Variants in SBF2 observed in about 807,000 individuals in gnomAD.
The protein encoded by SBF2 is myotubularin-related protein 13.
In SBF2, 112 loss-of-function variants were observed where a neutral mutation model predicts 225.2. That is an observed-to-expected ratio of 0.50 (90% confidence interval 0.43 to 0.58). The LOEUF is 0.58. SBF2 is among the 20% of genes least tolerant of loss of function. SBF2 has a pLI of 0.00. For synonymous variants in SBF2, 763 were observed against 773.3 expected, an observed-to-expected ratio of 0.99 and a Z score of 0.22; for missense variants, 1,996 against 2,206.2, an observed-to-expected ratio of 0.90 and a Z score of 1.91.
intron 14 of SBF2, among the ~76,000 whole-genome samples, chr11:9,965,802 G>C (rs945816866): frequency 1.6e-4 from 24 of 152,208 alleles, no homozygotes; most frequent in African/African-American, 5.5e-4. Context: ...TTTTAATCAT[G>C]TAACATTAAT....
intron 13 of SBF2, among the ~76,000 whole-genome samples, chr11:9,969,924 A>T (rs1867215831): frequency 6.6e-6 from 1 of 152,198 alleles, no homozygotes; most frequent in Non-Finnish European, 1.5e-5. Flanking sequence ...ACAATGCTGA[A>T]CACACATAAG....
chr11:9,896,605 A>T (rs1025080744), intron 16 of SBF2, among the ~76,000 whole-genome samples: 1 of 152,130 alleles, frequency 6.6e-6, no homozygotes, highest in African/African-American at 2.4e-5. Context: ...CAGCCTGGCC[A>T]ACATGGTGAA....
chr11:9,925,964 A>AAC (rs1864006721), intron 16 of SBF2, among the ~76,000 whole-genome samples: 2 of 108,200 alleles, frequency 1.8e-5, no homozygotes, highest in South Asian at 5.6e-4. Context: ...CCAACGTGAT[A>AAC]ACGTTTTCCA....
chr11:10,218,720 C>T (rs1182846296), intron 1 of SBF2, among the ~76,000 whole-genome samples: 1 of 152,180 alleles, frequency 6.6e-6, no homozygotes, highest in Non-Finnish European at 1.5e-5. Flanking sequence ...GGTTAATACA[C>T]CATTCTAAAT....
chr11:9,937,096 G>A (rs1420610264), intron 16 of SBF2, among the ~76,000 whole-genome samples: 1 of 152,042 alleles, frequency 6.6e-6, no homozygotes, highest in Non-Finnish European at 1.5e-5. Context: ...TCCCAGAAGA[G>A]CAAAATGAGA....
At chr11:10,292,434 C>T (rs1229101860) in intron 1 of SBF2, among the ~76,000 whole-genome samples, 2 of 152,046 alleles carry the variant, frequency 1.3e-5, no homozygotes, top group African/African-American at 2.4e-5. Flanking sequence ...GTAATCCCAG[C>T]ACTTTGGGAG....
intron 16 of SBF2, chr11:9,959,002 A>T: frequency 1.0e-6 from 1 of 961,620 alleles, no homozygotes; most frequent in Non-Finnish European, 1.6e-6. Flanking sequence ...GGCCTCCTCA[A>T]TGTATTTCAG....
Position 10,122,661 on chromosome 11 carries a change from T to G in SBF2, c.141+71241A>C, listed in dbSNP as rs115787239. On this transcript the variant is annotated intron_variant, in intron 2 of 39. Transcript: ENST00000256190. ...GAATCATTTGACACTCACTCAGTTA[T>G]TAGATACTATTAGTTTACACATAAT... 1.1e-3 allele frequency among the ~76,000 whole-genome samples: 165 copies of G among 152,338 alleles called. 1 individual carries two copies. Among genetic ancestry groups the G allele is most frequent in the Middle Eastern group, 3.4e-3 (1 of 294 alleles).
chr11:10,269,470 C>G (rs1170420087), intron 1 of SBF2, among the ~76,000 whole-genome samples: 1 of 152,146 alleles, frequency 6.6e-6, no homozygotes, highest in Non-Finnish European at 1.5e-5. Flanking sequence ...GGAAGGGATG[C>G]CAGGAAGAAA....
At chr11:10,051,318 G>A (rs1399309551) in intron 2 of SBF2, among the ~76,000 whole-genome samples, 1 of 152,078 alleles carries the variant, frequency 6.6e-6, no homozygotes, top group Admixed American at 6.6e-5. Context: ...AAGAATGTGA[G>A]AGTTTAGATA....
intron 1 of SBF2, among the ~76,000 whole-genome samples, chr11:10,194,781 G>T (rs930388311): frequency 6.6e-6 from 1 of 152,128 alleles, no homozygotes; most frequent in African/African-American, 2.4e-5. Context: ...AAAGTGCTGG[G>T]ATTACAGGTG....
At chr11:10,117,984 C>T (rs1009508393) in intron 2 of SBF2, among the ~76,000 whole-genome samples, 1 of 152,160 alleles carries the variant, frequency 6.6e-6, no homozygotes, top group Admixed American at 6.5e-5. Flanking sequence ...ATCTCACAAG[C>T]AACGTGCAAT....
intron 2 of SBF2, among the ~76,000 whole-genome samples, chr11:10,101,154 T>C (rs764253670): frequency 6.6e-6 from 1 of 152,086 alleles, no homozygotes; most frequent in Non-Finnish European, 1.5e-5. Context: ...TCACATTCGG[T>C]GAGCCCTGAA....
At chr11:9,993,862 C>A in intron 10 of SBF2, 59 bp downstream of exon 10, 1 of 1,475,458 alleles carries the variant, frequency 6.8e-7, no homozygotes, top group Non-Finnish European at 9.4e-7. Flanking sequence ...TTTAACAACC[C>A]TATAAATAAA....
At chr11:10,077,312 C>T (rs1366877831) in intron 2 of SBF2, among the ~76,000 whole-genome samples, 1 of 152,110 alleles carries the variant, frequency 6.6e-6, no homozygotes, top group Non-Finnish European at 1.5e-5. Context: ...CTTTAAAGTT[C>T]ATATGGACCC....
At chr11:10,293,950 G>GCCCGGCCCC (rs1964345469) in intron 1 of SBF2, 65 bp downstream of exon 1, 41 of 1,052,754 alleles carry the variant, frequency 3.9e-5, no homozygotes, top group Middle Eastern at 3.5e-4. Flanking sequence ...CCGGCCCCGC[G>GCCCGGCCCC]GAGCCCACTG....
rs149334408 is a variant in SBF2, at chr11:10,079,976, G to A, written c.142-36995C>T. Among the ~76,000 whole-genome samples the A allele has an allele frequency of 7.7e-4, 108 of 139,640 alleles. 1 individual carries two copies. The highest frequency in any genetic ancestry group is 2.4e-3 in the South Asian group (10 of 4,202). 91.6% of individuals were successfully genotyped at this position (139,640 alleles called of 152,430 possible). On this transcript the variant is annotated intron_variant, in intron 2 of 39. Coordinates refer to ENST00000256190, the MANE Select transcript of SBF2 (RefSeq NM_030962.4). ...AGAAAAAAAAATGTGGGACAGGCAC[G>A]ATGGCTCATGCCTGTAATCCCTGCA...
chr11:9,967,129 T>C (rs1356700780), intron 14 of SBF2, among the ~76,000 whole-genome samples: 5 of 152,162 alleles, frequency 3.3e-5, no homozygotes, highest in African/African-American at 9.7e-5. Flanking sequence ...CCCAGGACTT[T>C]GGGAGGCCGA....
At chr11:10,155,828 A>G (rs146641614) in intron 2 of SBF2, among the ~76,000 whole-genome samples, 206 of 152,366 alleles carry the variant, frequency 1.4e-3, no homozygotes, top group African/African-American at 4.5e-3. Context: ...GATACAACTT[A>G]TCAAGCTATC....
Sources: allele counts gnomAD v4.1 joint callset (sites outside exome capture counted in the v4.1 genomes callset), GRCh38; gene constraint gnomAD v4.1.1; transcripts MANE v1.5; gene names NCBI Gene and HGNC (gene_info 2026-07-23, HGNC 2026-07-21).